Variants in RIPK4 observed in about 807,000 individuals in gnomAD.
RIPK4 encodes the protein receptor-interacting serine/threonine-protein kinase 4.
In RIPK4, 17 loss-of-function variants were observed where a neutral mutation model predicts 42.9. The ratio of observed to expected loss-of-function variants is 0.40; its 90% CI spans 0.27 to 0.59. The LOEUF is 0.59. Among genes scored for constraint, RIPK4 ranks in the 20% least tolerant of loss-of-function variants. The pLI is 0.47. For synonymous variants in RIPK4, 498 were observed against 499.1 expected (o/e 1.00, Z 0.03); for missense variants, 897 against 1,104.4 (o/e 0.81, Z 2.66).
At chr21:41,754,165 CTA>C (rs1429017823) in intron 2 of RIPK4, among the ~76,000 whole-genome samples, 2 of 152,244 alleles carry the variant, frequency 1.3e-5, no homozygotes, top group South Asian at 4.1e-4. Context: ...GAATAACTGT[CTA>C]CTGAGGACTG....
chr21:41,760,755 T>TG (rs2061218100), intron 1 of RIPK4, among the ~76,000 whole-genome samples: 1 of 150,378 alleles, frequency 6.6e-6, no homozygotes. Context: ...GAGGAGCAGC[T>TG]GGGGGGTGTG....
In RIPK4 at chr21:41,767,025, C is replaced by T. The variant is rs759035586; in HGVS notation, c.17G>A (p.Gly6Glu). The stretch of plus-strand genomic sequence containing the variant: ...CAGCAGCGCCAGGGCCCATGGGGTC[C>T]CGCCGTCGCCCTCCATCGCGCACGT... MEGDGGTPWALALLRT... is the reference protein window; with the variant it reads MEGDGETPWALALLRT... The change falls in exon 1 of 8, where the codon GGG becomes GAG. Residue 6 changes from glycine to glutamate, a missense_variant. Transcript: ENST00000332512. This position sits in a 1 kb window ranked among gnomAD's most constrained non-coding sequence, Gnocchi z 4.0. The T allele has an allele frequency of 1.3e-6, 2 of 1,579,388 alleles. No homozygotes were observed. The highest frequency in any genetic ancestry group is 1.8e-5 in the Admixed American group (1 of 56,512).
rs768477827 is a variant in RIPK4 at position 41,740,952 on chromosome 21, G to A, written c.2241C>T (p.His747=). Reference sequence around the variant, plus strand: ...TGAGCAGAGTCTCCACCGTCTGTGCGTGCCGGCCCTGGGCGGCCAGGTGCA... The same window carrying A: ...TGAGCAGAGTCTCCACCGTCTGTGCATGCCGGCCCTGGGCGGCCAGGTGCA... The part of the protein sequence containing the change: ...SALHLAAQGR[H]AQTVETLLRH... Residue 747 remains histidine (H), a synonymous_variant, in exon 8 of 8, where the codon CAC becomes CAT. Transcript: ENST00000332512. 19 of 1,612,450 alleles carry A rather than the reference G, an allele frequency of 1.2e-5. No homozygotes were observed. The highest frequency in any genetic ancestry group is 1.6e-4 in the Middle Eastern group (1 of 6,062).
Position 41,754,070 on chromosome 21 carries a change from G to A in RIPK4, c.474+2455C>T, listed in dbSNP as rs551042773. Reference sequence around the variant, plus strand: ...TTGAATCGAGCCCTGAGCACTGAGGGAGCCCATCTCAGAGGCGAATGGCAG... The same window carrying A: ...TTGAATCGAGCCCTGAGCACTGAGGAAGCCCATCTCAGAGGCGAATGGCAG... On this transcript the variant is annotated intron_variant, in intron 2 of 7. Transcript: ENST00000332512. Among the ~76,000 whole-genome samples the A allele has an allele frequency of 2.0e-4, 31 of 152,258 alleles. No individual in the cohort carries two copies. In the East Asian group the frequency reaches 6.0e-3, roughly 29 times the overall value.
chr21:41,741,990 G>A lies in RIPK4; in HGVS notation c.1203C>T (p.Gly401=), dbSNP rs3746894. 697,128 of 1,586,898 alleles carry A rather than the reference G, an allele frequency of 0.44. 154,745 individuals carry two copies. Among genetic ancestry groups the A allele is most frequent in the East Asian group, 0.61 (26,966 of 44,504 alleles). Reference sequence around the variant, plus strand: ...GCTTCTTCTTCTGGACGTCTGTGGTGCCCAGATCTGCAGGGAGAGGAGAGG... The same window carrying A: ...GCTTCTTCTTCTGGACGTCTGTGGTACCCAGATCTGCAGGGAGAGGAGAGG... The part of the protein sequence containing the change: ...FEREPSTSDL[G]TTDVQKKKLV... Residue 401 remains glycine, a synonymous_variant, in exon 8 of 8, where the codon GGC becomes GGT. Coordinates refer to ENST00000332512, the MANE Select transcript of RIPK4 (RefSeq NM_020639.3).
Position 41,741,564 on chromosome 21 carries a change from C to G in RIPK4, c.1629G>C (p.Val543=). ...VDFEGRTPMH[V]ACQHGQENIV... ...TATTCTCCTGCCCGTGCTGGCAGGCCACGTGCATGGGCGTCCGGCCCTCAA... is the reference window on the plus strand; with the variant it reads ...TATTCTCCTGCCCGTGCTGGCAGGCGACGTGCATGGGCGTCCGGCCCTCAA... Residue 543 remains valine (V), a synonymous_variant, in exon 8 of 8, where the codon GTG becomes GTC. Coordinates refer to ENST00000332512, the MANE Select transcript of RIPK4 (RefSeq NM_020639.3). 1 of 1,612,004 alleles carries G rather than the reference C, an allele frequency of 6.2e-7. No homozygotes were observed. The highest frequency in any genetic ancestry group is 8.5e-7 in the Non-Finnish European group (1 of 1,180,028).
At chr21:41,763,600 G>A (rs894373278) in intron 1 of RIPK4, among the ~76,000 whole-genome samples, 1 of 152,230 alleles carries the variant, frequency 6.6e-6, no homozygotes. Flanking sequence ...GGAAAATGCA[G>A]CCGGAAAATG....
In RIPK4 at chr21:41,741,180, G is replaced by A; in HGVS notation, c.2013C>T (p.Tyr671=). The A allele has an allele frequency of 1.9e-6, 3 of 1,612,086 alleles. No homozygotes were observed. Among genetic ancestry groups the A allele is most frequent in the Non-Finnish European group, 2.5e-6 (3 of 1,179,516 alleles). Reference sequence around the variant, plus strand: ...TGCGGGCAGCCAGGTGCAGAGCGGTGTAGCCGTCTGAGGTCATGGCCTCCT... The same window carrying A: ...TGCGGGCAGCCAGGTGCAGAGCGGTATAGCCGTCTGAGGTCATGGCCTCCT... ...AGKEAMTSDG[Y]TALHLAARNG... Residue 671 remains tyrosine, a synonymous_variant, in exon 8 of 8, where the codon TAC becomes TAT. Transcript: ENST00000332512.
intron 5 of RIPK4, chr21:41,746,159 T>C (rs1019881598): frequency 1.5e-6 from 1 of 657,070 alleles, no homozygotes; most frequent in Non-Finnish European, 2.8e-6. Context: ...GAGCTCCCCA[T>C]TCAGCCCGTT....
chr21:41,758,041 T>G (rs202076429), intron 1 of RIPK4, among the ~76,000 whole-genome samples: 2,911 of 58,254 alleles, frequency 0.05, 143 homozygotes, highest in East Asian at 0.079. Context: ...TATATATATA[T>G]AGAGAGAGAG....
chr21:41,749,408 C>T (rs926936047), intron 3 of RIPK4, among the ~76,000 whole-genome samples: 1 of 152,160 alleles, frequency 6.6e-6, no homozygotes, highest in Non-Finnish European at 1.5e-5. Context: ...GTCAGACAGA[C>T]TCAAGTAACT....
chr21:41,751,330 C>T lies in RIPK4; in HGVS notation c.475-85G>A. ...TTTATCAAAAGCTCCCTTCTGCAAT[C>T]TCAGAGGGTGGGTGAGAGCTTTCCA... On this transcript the variant is annotated intron_variant, in intron 2 of 7. Transcript: ENST00000332512. This position sits in a 1 kb window ranked among gnomAD's most constrained non-coding sequence, Gnocchi z 4.5. 1 of 1,546,414 alleles carries T rather than the reference C, an allele frequency of 6.5e-7. No homozygotes were observed. The highest frequency in any genetic ancestry group is 8.8e-7 in the Non-Finnish European group (1 of 1,138,816).
rs1363749639 is a variant in RIPK4 at position 41,740,488 on chromosome 21, G to A, written c.*350C>T. On this transcript the variant is annotated 3_prime_UTR_variant, in exon 8 of 8. Coordinates refer to ENST00000332512, the MANE Select transcript of RIPK4 (RefSeq NM_020639.3). Reference sequence around the variant, plus strand: ...AGACTGGTGAGCTCCAGCAACCCAAGGTGGCTCGCCTCAGGAGAGAGTGGA... The same window carrying A: ...AGACTGGTGAGCTCCAGCAACCCAAAGTGGCTCGCCTCAGGAGAGAGTGGA... The A allele has an allele frequency of 2.7e-5, 7 of 258,992 alleles. No homozygotes were observed. Among genetic ancestry groups the A allele is most frequent in the Non-Finnish European group, 4.4e-5 (6 of 137,300 alleles). 16.0% of individuals were successfully genotyped at this position (258,992 alleles called of 1,614,324 possible). A position where few individuals can be genotyped will look rare whatever the true frequency, so the allele number is the denominator to read the frequency against.
chr21:41,762,369 C>G (rs2061223243), intron 1 of RIPK4, among the ~76,000 whole-genome samples: 2 of 152,150 alleles, frequency 1.3e-5, no homozygotes, highest in African/African-American at 2.4e-5. Context: ...CTCAGAAGCA[C>G]CAGCATGTCC....
Position 41,755,108 on chromosome 21 carries a change from G to A in RIPK4, c.474+1417C>T, listed in dbSNP as rs111484287. Among the ~76,000 whole-genome samples, 455 of 152,076 alleles carry A rather than the reference G, an allele frequency of 3.0e-3. 1 individual carries two copies. Among genetic ancestry groups the A allele is most frequent in the Non-Finnish European group, 2.8e-3 (190 of 67,968 alleles). On this transcript the variant is annotated intron_variant, in intron 2 of 7. Coordinates refer to ENST00000332512, the MANE Select transcript of RIPK4 (RefSeq NM_020639.3). The surrounding 1 kb of genome is among the most constrained non-coding windows in gnomAD (Gnocchi z 4.2). ...TAGAAACAAGCCCGTAAATGTTGGC[G>A]GGAATGGGGGGTCCGCATGTGAGGC...
chr21:41,744,875 G>T (rs2061166034), intron 6 of RIPK4, among the ~76,000 whole-genome samples: 1 of 152,224 alleles, frequency 6.6e-6, no homozygotes, highest in African/African-American at 2.4e-5. Context: ...CTTTTAAAGA[G>T]TCTCGCTTCA....
rs148624661 is a variant in RIPK4, at chr21:41,760,650, G to A, written c.183-3834C>T. Among the ~76,000 whole-genome samples, 3 of 152,286 alleles carry A rather than the reference G, an allele frequency of 2.0e-5. No individual in the cohort carries two copies. The East Asian group carries it at 5.8e-4, about 29-fold the overall frequency. ...GAAGAATCTGCAGGATGGGTCCATT[G>A]ACTGCATGTGGAGGGGAGAAGCTTG... On this transcript the variant is annotated intron_variant, in intron 1 of 7. Transcript: ENST00000332512.
intron 4 of RIPK4, among the ~76,000 whole-genome samples, chr21:41,747,606 C>T (rs368457135): frequency 7.9e-5 from 12 of 152,218 alleles, no homozygotes; most frequent in South Asian, 4.1e-4. Context: ...GAATCACCCA[C>T]GGCTGCCAGG....
chr21:41,758,041 T>TATAG (rs1452050960), intron 1 of RIPK4, among the ~76,000 whole-genome samples: 76 of 58,468 alleles, frequency 1.3e-3, no homozygotes, highest in Non-Finnish European at 1.6e-3. Context: ...TATATATATA[T>TATAG]AGAGAGAGAG....
Sources: allele counts gnomAD v4.1 joint callset (sites outside exome capture counted in the v4.1 genomes callset), GRCh38; gene constraint gnomAD v4.1.1; non-coding constraint Gnocchi (gnomAD v3.1); transcripts MANE v1.5; gene names NCBI Gene and HGNC (gene_info 2026-07-23, HGNC 2026-07-21).